The following SORCS2 variants were observed in gnomAD, a reference collection of about 807,000 sequenced individuals.
The protein encoded by SORCS2 is sortilin related VPS10 domain containing receptor 2.
A neutral mutation model predicts 141.6 loss-of-function variants in SORCS2; 100 were observed. That is an observed-to-expected ratio of 0.71 (90% CI 0.60 to 0.83). The LOEUF (loss-of-function observed/expected upper bound fraction) is 0.83. Among genes scored for constraint, SORCS2 ranks in the 40% least tolerant of loss-of-function variants. The probability of loss-of-function intolerance (pLI) is 0.00; values close to 1 mark genes in which losing one functional copy is unlikely to be tolerated. For missense variants in SORCS2, 1,646 were observed against 1,560.2 expected (o/e 1.05, Z -0.93); for synonymous variants, 789 against 676.9 (o/e 1.17, Z -2.57).
chr4:7,376,528 G>C (rs898574630), intron 1 of SORCS2, among the ~76,000 whole-genome samples: 1 of 152,168 alleles, frequency 6.6e-6, no homozygotes, highest in Non-Finnish European at 1.5e-5. Context: ...AATGAGCCAA[G>C]ATTGCGCCAC....
At chr4:7,338,388 G>C (rs7673518) in intron 1 of SORCS2, among the ~76,000 whole-genome samples, 72,287 of 147,832 alleles carry the variant, frequency 0.49, 17,661 homozygotes, top group East Asian at 0.56. Context: ...ATGTCGGTTG[G>C]ATGGATGGAT....
intron 2 of SORCS2, among the ~76,000 whole-genome samples, chr4:7,426,310 C>A (rs1726435535): frequency 2.7e-5 from 1 of 36,580 alleles, no homozygotes; most frequent in South Asian, 5.3e-4. Context: ...CCAGGGGAGG[C>A]CCGAGGACGG....
chr4:7,491,108 C>T (rs184934454), intron 2 of SORCS2, among the ~76,000 whole-genome samples: 1 of 152,282 alleles, frequency 6.6e-6, no homozygotes, highest in African/African-American at 2.4e-5. Context: ...GCTCTCCTGC[C>T]ATCTCTCTCC....
At chr4:7,701,215 A>AG (rs1725057345) in intron 12 of SORCS2, among the ~76,000 whole-genome samples, 1 of 137,440 alleles carries the variant, frequency 7.3e-6, no homozygotes, top group Non-Finnish European at 1.6e-5. Context: ...GAGGGAGAGA[A>AG]GGGGGAAGGG....
At chr4:7,694,593 T>A (rs1724477824) in intron 11 of SORCS2, among the ~76,000 whole-genome samples, 1 of 152,238 alleles carries the variant, frequency 6.6e-6, no homozygotes, top group African/African-American at 2.4e-5. Context: ...CCGCCTGTGA[T>A]GCGTGTGTCC....
intron 2 of SORCS2, among the ~76,000 whole-genome samples, chr4:7,454,770 G>T (rs926030376): frequency 8.0e-6 from 1 of 125,432 alleles, no homozygotes; most frequent in Non-Finnish European, 1.7e-5. Flanking sequence ...CTGTGTTGGG[G>T]TCAGTGCTGT....
chr4:7,468,942 C>T (rs928517643), intron 2 of SORCS2, among the ~76,000 whole-genome samples: 1 of 152,240 alleles, frequency 6.6e-6, no homozygotes, highest in Non-Finnish European at 1.5e-5. Context: ...CACTTAACCT[C>T]TCTGAACTGC....
intron 5 of SORCS2, 77 bp downstream of exon 5, chr4:7,654,284 C>G: frequency 7.0e-7 from 1 of 1,427,272 alleles, no homozygotes; most frequent in South Asian, 1.2e-5. Context: ...CCTTGGGAGC[C>G]CATCCCTGCA....
rs112553535 is a variant in SORCS2 at position 7,477,987 on chromosome 4, G to A, written c.549-53543G>A. On this transcript the variant is annotated intron_variant, in intron 2 of 26. Coordinates refer to ENST00000507866, the MANE Select transcript of SORCS2 (RefSeq NM_020777.3). ...ATGTGTGTCTCAGAATGGTGCCTGG[G>A]ACATTTCTTCCTGCTTCTAGGCTGC... Among the ~76,000 whole-genome samples, 309 of 152,280 alleles carry A rather than the reference G, an allele frequency of 2.0e-3. 1 individual carries two copies. The highest frequency in any genetic ancestry group is 7.2e-3 in the African/African-American group (299 of 41,544).
intron 3 of SORCS2, among the ~76,000 whole-genome samples, chr4:7,585,560 A>G (rs1716483698): frequency 6.6e-6 from 1 of 152,198 alleles, no homozygotes; most frequent in Non-Finnish European, 1.5e-5. Context: ...TCTCTCGTCT[A>G]CCACTTCAAG....
At chr4:7,253,393 T>G (rs140235400) in intron 1 of SORCS2, among the ~76,000 whole-genome samples, 228 of 152,314 alleles carry the variant, frequency 1.5e-3, no homozygotes, top group Middle Eastern at 3.4e-3. Context: ...CAGTTTATTC[T>G]GAGCAGTGAC....
At chr4:7,611,869 G>A (rs906991269) in intron 3 of SORCS2, among the ~76,000 whole-genome samples, 3 of 152,224 alleles carry the variant, frequency 2.0e-5, no homozygotes, top group African/African-American at 7.2e-5. Context: ...TGCAAAGCTG[G>A]TCCTCTCCAG....
intron 2 of SORCS2, among the ~76,000 whole-genome samples, chr4:7,458,614 G>T (rs1729074995): frequency 6.6e-6 from 1 of 152,178 alleles, no homozygotes; most frequent in African/African-American, 2.4e-5. Context: ...ATTGATGTGG[G>T]ATGATCTCGC....
intron 2 of SORCS2, among the ~76,000 whole-genome samples, chr4:7,410,816 G>A (rs778967529): frequency 7.2e-5 from 11 of 152,102 alleles, no homozygotes; most frequent in Non-Finnish European, 1.6e-4. Flanking sequence ...ATTTGATGAG[G>A]TTAGGCTCTG....
intron 3 of SORCS2, among the ~76,000 whole-genome samples, chr4:7,583,405 C>G (rs1025764078): frequency 6.6e-6 from 1 of 152,156 alleles, no homozygotes; most frequent in Non-Finnish European, 1.5e-5. Context: ...CTCAACTTAC[C>G]GAAGTCATAC....
intron 1 of SORCS2, among the ~76,000 whole-genome samples, chr4:7,294,036 A>C (rs1262409887): frequency 1.3e-5 from 2 of 152,074 alleles, no homozygotes; most frequent in African/African-American, 4.8e-5. Context: ...CCCTGGCTCT[A>C]GTGGCGTGTC....
intron 2 of SORCS2, among the ~76,000 whole-genome samples, chr4:7,524,713 G>A (rs538229229): frequency 1.7e-4 from 26 of 151,854 alleles, no homozygotes; most frequent in Middle Eastern, 3.4e-3. Flanking sequence ...CTCCTTAACC[G>A]CATCTCTCTT....
intron 7 of SORCS2, among the ~76,000 whole-genome samples, chr4:7,666,019 C>T (rs907686846): frequency 9.9e-5 from 15 of 151,856 alleles, no homozygotes; most frequent in Admixed American, 3.3e-4. Context: ...GGGGGGCTTG[C>T]GAGGAAACCG....
chr4:7,202,032 G>A (rs1310370907), intron 1 of SORCS2, among the ~76,000 whole-genome samples: 1 of 151,972 alleles, frequency 6.6e-6, no homozygotes, highest in Non-Finnish European at 1.5e-5. Context: ...TGTAGAAGAA[G>A]TGCAGACATG....
Sources: gnomAD v4.1 joint callset for allele counts (sites outside exome capture counted in the v4.1 genomes callset) on GRCh38, gnomAD v4.1.1 for gene constraint, MANE v1.5 for transcripts, NCBI Gene and HGNC (gene_info 2026-07-23, HGNC 2026-07-21) for gene names.